The following RBFOX1 variants were observed in gnomAD, a reference collection of about 807,000 sequenced individuals.
The protein encoded by RBFOX1 is RNA binding protein fox-1 homolog 1.
A neutral mutation model predicts 57.7 loss-of-function variants in RBFOX1; 8 were observed. The ratio of observed to expected loss-of-function variants is 0.14; its 90% CI spans 0.08 to 0.25. The LOEUF is 0.25. Ranked by LOEUF, RBFOX1 falls within the 10% of genes least tolerant of loss-of-function variation. RBFOX1 has a pLI of 1.00. For synonymous variants in RBFOX1, 326 were observed against 222.4 expected, an observed-to-expected ratio of 1.47 and a Z score of -4.15; for missense variants, 611 against 548.5, an observed-to-expected ratio of 1.11 and a Z score of -1.14.
intron 4 of RBFOX1, among the ~76,000 whole-genome samples, chr16:5,886,743 C>T (rs530696441): frequency 3.9e-5 from 6 of 152,294 alleles, no homozygotes; most frequent in African/African-American, 1.4e-4. Flanking sequence ...CAAAAATTAG[C>T]TCTGTGTAGT....
chr16:7,656,805 C>T (rs1479218393), intron 12 of RBFOX1, among the ~76,000 whole-genome samples: 1 of 152,088 alleles, frequency 6.6e-6, no homozygotes, highest in Non-Finnish European at 1.5e-5. Flanking sequence ...ATAAGTGATA[C>T]AAGAGGATAT....
chr16:7,257,667 C>T (rs1469973177), intron 4 of RBFOX1, among the ~76,000 whole-genome samples: 3 of 152,162 alleles, frequency 2.0e-5, no homozygotes, highest in East Asian at 3.9e-4. Flanking sequence ...CTGTAGCCAT[C>T]CTTGGGTCCA....
At chr16:6,684,804 C>T (rs1477631982) in intron 3 of RBFOX1, among the ~76,000 whole-genome samples, 1 of 152,184 alleles carries the variant, frequency 6.6e-6, no homozygotes, top group Non-Finnish European at 1.5e-5. Context: ...AGAAAAATTC[C>T]TTAAAGCATT....
chr16:7,226,057 A>G (rs1170511220), intron 4 of RBFOX1, among the ~76,000 whole-genome samples: 1 of 151,938 alleles, frequency 6.6e-6, no homozygotes. Flanking sequence ...TTCATGTCAT[A>G]TTCTCTCCAA....
chr16:7,240,962 C>T (rs565921590), intron 4 of RBFOX1, among the ~76,000 whole-genome samples: 2 of 152,316 alleles, frequency 1.3e-5, no homozygotes, highest in Non-Finnish European at 2.9e-5. Flanking sequence ...TTGGAACATT[C>T]TACTTTTCCC....
chr16:7,565,729 C>T (rs1160389148), intron 5 of RBFOX1, among the ~76,000 whole-genome samples: 1 of 152,144 alleles, frequency 6.6e-6, no homozygotes, highest in Non-Finnish European at 1.5e-5. Context: ...TGAGAAATAA[C>T]TTGATTGGTG....
chr16:5,686,689 G>A (rs2050515435), intron 3 of RBFOX1, among the ~76,000 whole-genome samples: 1 of 152,010 alleles, frequency 6.6e-6, no homozygotes, highest in South Asian at 2.1e-4. Context: ...AGGGTAATAT[G>A]GGAAAAAAAT....
intron 3 of RBFOX1, among the ~76,000 whole-genome samples, chr16:6,791,403 C>T (rs771897919): frequency 1.3e-5 from 2 of 152,100 alleles, no homozygotes. Context: ...AGGTGCAGCC[C>T]TGTGAAAATG....
intron 4 of RBFOX1, among the ~76,000 whole-genome samples, chr16:5,899,101 C>T (rs955261026): frequency 7.1e-6 from 1 of 141,432 alleles, no homozygotes; most frequent in African/African-American, 2.7e-5. Context: ...TCAGTAGTTG[C>T]ACCACTGCAC....
chr16:6,565,376 G>GCC (rs2097249365), intron 2 of RBFOX1, among the ~76,000 whole-genome samples: 1 of 151,948 alleles, frequency 6.6e-6, no homozygotes, highest in Non-Finnish European at 1.5e-5. Context: ...TCCTGCCTCA[G>GCC]CCTCCCAAGT....
chr16:6,283,874 G>C (rs1234752199), intron 1 of RBFOX1, among the ~76,000 whole-genome samples: 9 of 152,130 alleles, frequency 5.9e-5, no homozygotes, highest in African/African-American at 2.2e-4. Flanking sequence ...TCTACTCCTG[G>C]CTTGCCTCAC....
chr16:5,854,038 G>A (rs886324139), intron 3 of RBFOX1, among the ~76,000 whole-genome samples: 4 of 152,080 alleles, frequency 2.6e-5, no homozygotes, highest in African/African-American at 7.2e-5. Context: ...ATTTTTGCCA[G>A]CTTTATTGAG....
intron 1 of RBFOX1, among the ~76,000 whole-genome samples, chr16:6,039,387 G>A (rs532546083): frequency 7.6e-4 from 113 of 149,414 alleles, no homozygotes; most frequent in African/African-American, 2.6e-3. Flanking sequence ...ATGCCAGCTT[G>A]ACAGAAGGTT....
chr16:7,028,823 A>G (rs1320151324), intron 3 of RBFOX1, among the ~76,000 whole-genome samples: 1 of 151,130 alleles, frequency 6.6e-6, no homozygotes, highest in African/African-American at 2.4e-5. Flanking sequence ...AGCCAGCAGT[A>G]TGTGGACAGC....
At chr16:6,031,705 A>G (rs1567296463) in intron 1 of RBFOX1, among the ~76,000 whole-genome samples, 1 of 152,222 alleles carries the variant, frequency 6.6e-6, no homozygotes, top group South Asian at 2.1e-4. Flanking sequence ...AGGAGCCACG[A>G]ACAGTATGAC....
chr16:7,535,845 G>A (rs936552704), intron 5 of RBFOX1, among the ~76,000 whole-genome samples: 2 of 152,152 alleles, frequency 1.3e-5, no homozygotes, highest in Non-Finnish European at 2.9e-5. Context: ...TTTATTCTCA[G>A]TGTTAGGCAA....
chr16:5,306,160 C>A (rs1413710972), intron 1 of RBFOX1, among the ~76,000 whole-genome samples: 1 of 152,140 alleles, frequency 6.6e-6, no homozygotes, highest in African/African-American at 2.4e-5. Flanking sequence ...AAGGTCATGC[C>A]ATTGCACTCC....
chr16:6,730,568 T>C (rs7201323), intron 3 of RBFOX1, among the ~76,000 whole-genome samples: 138,891 of 152,204 alleles, frequency 0.91, 64,759 homozygotes, highest in East Asian at 1. Context: ...TGTATCTGCC[T>C]ATCTACAGTC....
intron 3 of RBFOX1, among the ~76,000 whole-genome samples, chr16:7,010,042 A>G (rs1273475964): frequency 6.6e-6 from 1 of 151,966 alleles, no homozygotes; most frequent in East Asian, 1.9e-4. Flanking sequence ...GAAAAAAAAA[A>G]TGCACTCAAG....
Sources: allele counts gnomAD v4.1 joint callset (sites outside exome capture counted in the v4.1 genomes callset), GRCh38; gene constraint gnomAD v4.1.1; transcripts MANE v1.5; gene names NCBI Gene and HGNC (gene_info 2026-07-23, HGNC 2026-07-21).